Variants in BPGM observed in about 807,000 individuals in gnomAD.
The protein encoded by BPGM is 2,3-bisphosphoglycerate mutase, erythrocyte.
A neutral mutation model predicts 21.6 loss-of-function variants in BPGM; 15 were observed. That is an observed-to-expected ratio of 0.70 (90% CI 0.47 to 1.07). The LOEUF is 1.07. BPGM is among the 50% of genes least tolerant of loss of function. BPGM has a pLI of 0.00. For missense variants in BPGM, 273 were observed against 319.0 expected (o/e 0.86, Z 1.10); for synonymous variants, 113 against 116.2 (o/e 0.97, Z 0.18).
chr7:134,666,241 T>G (rs1328744942), intron 2 of BPGM, among the ~76,000 whole-genome samples: 1 of 152,170 alleles, frequency 6.6e-6, no homozygotes, highest in African/African-American at 2.4e-5. Flanking sequence ...ATAAACAGGC[T>G]TTATAGAAAA....
chr7:134,647,862 A>G (rs1322514081), intron 1 of BPGM, among the ~76,000 whole-genome samples: 1 of 152,064 alleles, frequency 6.6e-6, no homozygotes, highest in Non-Finnish European at 1.5e-5. Context: ...CAGTGGCTCG[A>G]TCTCGGTTCA....
intron 2 of BPGM, among the ~76,000 whole-genome samples, chr7:134,671,095 GGC>G (rs1336123047): frequency 1.3e-5 from 2 of 151,770 alleles, no homozygotes; most frequent in African/African-American, 4.8e-5. Flanking sequence ...GTTTAATCAA[GGC>G]TTCAACAATA....
In BPGM at chr7:134,662,017, T is replaced by A; in HGVS notation, c.510T>A (p.Asn170Lys). Residue 170 changes from asparagine to lysine, a missense_variant, in exon 2 of 3, where the codon AAT (asparagine) becomes AAA (lysine). Transcript: ENST00000344924. ...DVLERLLPYW[N>K]ERIAPEVLRG... ...TGGAGAGACTCCTTCCCTATTGGAA[T>A]GAAAGGATTGCTCCCGAAGTATTAC... 1.2e-6 allele frequency: 2 copies of A among 1,614,170 alleles called. No homozygotes were observed. Among genetic ancestry groups the A allele is most frequent in the Non-Finnish European group, 1.7e-6 (2 of 1,180,022 alleles).
chr7:134,677,908 C>T (rs1796004671), intron 2 of BPGM, among the ~76,000 whole-genome samples: 1 of 152,186 alleles, frequency 6.6e-6, no homozygotes, highest in Non-Finnish European at 1.5e-5. Context: ...AATCCAGGCT[C>T]TGTCATTTAC....
At position 134,661,661 on chromosome 7, in the gene BPGM, T is replaced by G. The variant is rs1358116629; in HGVS notation, c.154T>G (p.Phe52Val). 11 of 1,614,110 alleles carry G rather than the reference T, an allele frequency of 6.8e-6. No individual in the cohort carries two copies. The Middle Eastern group carries it at 1.3e-3, about 194-fold the overall frequency. The change falls in exon 2 of 3, where the codon TTT becomes GTT. Residue 52 changes from phenylalanine (F) to valine (V), a missense_variant. Transcript: ENST00000344924. The surrounding 1 kb of genome is among the most constrained non-coding windows in gnomAD (Gnocchi z 4.6). ...GCAACTCAAAGCGTTAAACTTTGAG[T>G]TTGATCTTGTATTCACATCTGTCCT... ...GKQLKALNFE[F>V]DLVFTSVLNR...
intron 2 of BPGM, among the ~76,000 whole-genome samples, chr7:134,674,845 G>A (rs1267117667): frequency 1.3e-5 from 2 of 152,144 alleles, no homozygotes; most frequent in South Asian, 2.1e-4. Flanking sequence ...GACTGTTTTC[G>A]AAAGAGGCTA....
intron 2 of BPGM, among the ~76,000 whole-genome samples, chr7:134,674,709 A>T (rs1778327154): frequency 6.6e-6 from 1 of 152,212 alleles, no homozygotes; most frequent in African/African-American, 2.4e-5. Flanking sequence ...TATTATGAGT[A>T]ATGCTGCTAT....
intron 1 of BPGM, among the ~76,000 whole-genome samples, chr7:134,653,360 C>T (rs1334524523): frequency 6.6e-6 from 1 of 152,170 alleles, no homozygotes; most frequent in Non-Finnish European, 1.5e-5. Flanking sequence ...CTTAAACGGC[C>T]ATTGTCCTGG....
Position 134,679,123 on chromosome 7 carries a change from T to C in BPGM, c.*92T>C. 2 of 1,441,666 alleles carry C rather than the reference T, an allele frequency of 1.4e-6. No homozygotes were observed. The highest frequency in any genetic ancestry group is 1.4e-5 in the African/African-American group (1 of 71,148). The allele number at this position is 1,441,666 out of a possible 1,614,324, so 89.3% of individuals were successfully genotyped here. ...AACTCTCTCTCTTTTTCCCCGATTT[T>C]CCAGAGCTAGGCTGTGGAGTAGAGT... On this transcript the variant is annotated 3_prime_UTR_variant, in exon 3 of 3. Coordinates refer to ENST00000344924, the MANE Select transcript of BPGM (RefSeq NM_001724.5).
intron 1 of BPGM, among the ~76,000 whole-genome samples, chr7:134,654,035 A>G (rs1044032369): frequency 6.6e-6 from 1 of 152,140 alleles, no homozygotes; most frequent in African/African-American, 2.4e-5. Flanking sequence ...TACTGTGTCC[A>G]CGAAGCCTTA....
chr7:134,655,019 AAT>A (rs1227156795), intron 1 of BPGM, among the ~76,000 whole-genome samples: 3 of 152,236 alleles, frequency 2.0e-5, no homozygotes, highest in Non-Finnish European at 4.4e-5. Flanking sequence ...CTGGGGGATA[AAT>A]CAATAACCTA....
At chr7:134,666,726 C>T (rs1795826922) in intron 2 of BPGM, among the ~76,000 whole-genome samples, 1 of 152,150 alleles carries the variant, frequency 6.6e-6, no homozygotes, top group South Asian at 2.1e-4. Flanking sequence ...ATGTCATGTG[C>T]ATGAAATAGG....
intron 2 of BPGM, among the ~76,000 whole-genome samples, chr7:134,677,934 T>A (rs1796005239): frequency 6.6e-6 from 1 of 152,308 alleles, no homozygotes; most frequent in East Asian, 1.9e-4. Flanking sequence ...GTGTGATAAT[T>A]GTTTACTTAA....
chr7:134,662,215 C>T (rs1047837921), intron 2 of BPGM, 107 bp downstream of exon 2: 24 of 1,410,070 alleles, frequency 1.7e-5, no homozygotes, highest in Admixed American at 1.2e-4. Context: ...ACTCCTCTAT[C>T]CCCCTTTGTC....
At chr7:134,678,451 T>C (rs1027123752) in intron 2 of BPGM, among the ~76,000 whole-genome samples, 1 of 152,224 alleles carries the variant, frequency 6.6e-6, no homozygotes. Flanking sequence ...GTCCTAATTT[T>C]AGTACCAGCC....
chr7:134,664,231 A>T (rs894558712), intron 2 of BPGM, among the ~76,000 whole-genome samples: 15 of 152,188 alleles, frequency 9.9e-5, no homozygotes, highest in African/African-American at 3.6e-4. Flanking sequence ...TGGGTGGGTT[A>T]AAACAACAGA....
At position 134,661,531 on chromosome 7, in the gene BPGM, G is replaced by A. The variant is rs1562968747; in HGVS notation, c.24G>A (p.Met8Ile). The change falls in exon 2 of 3, where the codon ATG becomes ATA. Residue 8 changes from methionine (M) to isoleucine (I), a missense_variant. Met to Ile is a conservative substitution (Grantham distance 10, BLOSUM62 1). Coordinates refer to ENST00000344924, the MANE Select transcript of BPGM (RefSeq NM_001724.5). The surrounding 1 kb of genome is among the most constrained non-coding windows in gnomAD (Gnocchi z 4.6). Reference protein sequence around the residue: MSKYKLIMLRHGEGAWNK... With the variant: MSKYKLIILRHGEGAWNK... ...GTATGTCCAAGTACAAACTTATTAT[G>A]TTAAGACATGGAGAGGGTGCTTGGA... 3 of 1,614,028 alleles carry A rather than the reference G, an allele frequency of 1.9e-6. No individual in the cohort carries two copies. Among genetic ancestry groups the A allele is most frequent in the Non-Finnish European group, 8.5e-7 (1 of 1,180,014 alleles).
At chr7:134,657,025 G>T (rs994858159) in intron 1 of BPGM, among the ~76,000 whole-genome samples, 4 of 152,164 alleles carry the variant, frequency 2.6e-5, no homozygotes, top group African/African-American at 9.7e-5. Context: ...AAACAAAGGG[G>T]CTACAGCAGG....
At chr7:134,647,244 C>A (rs1795475063) in intron 1 of BPGM, 1 of 152,376 alleles carries the variant, frequency 6.6e-6, no homozygotes, top group African/African-American at 2.4e-5. Flanking sequence ...GATAAACTCT[C>A]TTCTGGATGT....
Sources: gnomAD v4.1 joint callset for allele counts (sites outside exome capture counted in the v4.1 genomes callset) on GRCh38, gnomAD v4.1.1 for gene constraint, Gnocchi (gnomAD v3.1) non-coding constraint, MANE v1.5 for transcripts, NCBI Gene and HGNC (gene_info 2026-07-23, HGNC 2026-07-21) for gene names.